The following FGF12 variants were observed in gnomAD, a reference collection of about 807,000 sequenced individuals.
FGF12 encodes the protein fibroblast growth factor 12B.
FGF12 carries 14 observed loss-of-function variants against 23.6 expected under a neutral mutation model. That is an observed-to-expected ratio of 0.59 (90% CI 0.39 to 0.93). The LOEUF is 0.93. FGF12 is among the 40% of genes least tolerant of loss of function. FGF12 has a pLI of 0.00. For missense variants in FGF12, 175 were observed against 217.8 expected, an observed-to-expected ratio of 0.80 and a Z score of 1.24; for synonymous variants, 62 against 77.3, an observed-to-expected ratio of 0.80 and a Z score of 1.04.
At chr3:192,247,571 G>A (rs1711706359) in intron 4 of FGF12, among the ~76,000 whole-genome samples, 1 of 152,144 alleles carries the variant, frequency 6.6e-6, no homozygotes, top group African/African-American at 2.4e-5. Flanking sequence ...ATATTTTGCT[G>A]ACAGTTTTCT....
intron 2 of FGF12, among the ~76,000 whole-genome samples, chr3:192,696,376 G>A (rs1013713117): frequency 1.3e-5 from 2 of 152,126 alleles, no homozygotes; most frequent in Non-Finnish European, 2.9e-5. Context: ...GTGGGCAATG[G>A]CTGCAGAGCT....
chr3:192,237,867 G>A (rs1216319790), intron 4 of FGF12, among the ~76,000 whole-genome samples: 1 of 152,184 alleles, frequency 6.6e-6, no homozygotes, highest in Non-Finnish European at 1.5e-5. Flanking sequence ...TTGCTGGGGA[G>A]CAAGTTGTAG....
chr3:192,522,246 C>A (rs1283725415), intron 2 of FGF12, among the ~76,000 whole-genome samples: 1 of 150,314 alleles, frequency 6.7e-6, no homozygotes, highest in African/African-American at 2.4e-5. Flanking sequence ...TTGTGATTTT[C>A]CAATTGGGAA....
chr3:192,565,220 A>G (rs1336309179), intron 2 of FGF12, among the ~76,000 whole-genome samples: 1 of 152,268 alleles, frequency 6.6e-6, no homozygotes, highest in African/African-American at 2.4e-5. Context: ...CTTCACCTAT[A>G]TGTTTAAAAA....
At chr3:192,496,257 C>G (rs1423781936) in intron 2 of FGF12, among the ~76,000 whole-genome samples, 1 of 151,812 alleles carries the variant, frequency 6.6e-6, no homozygotes, top group Non-Finnish European at 1.5e-5. Context: ...CAAATGTTCC[C>G]AGATCTAATT....
chr3:192,399,063 A>G (rs1720647924), intron 2 of FGF12, among the ~76,000 whole-genome samples: 1 of 152,112 alleles, frequency 6.6e-6, no homozygotes, highest in Admixed American at 6.5e-5. Context: ...CAAGCATTCC[A>G]TATGATGATG....
At chr3:192,258,529 C>T (rs537979941) in intron 4 of FGF12, among the ~76,000 whole-genome samples, 64 of 152,060 alleles carry the variant, frequency 4.2e-4, no homozygotes, top group Non-Finnish European at 6.9e-4. Context: ...ATAATAAAAA[C>T]GTATTTAAAG....
intron 2 of FGF12, among the ~76,000 whole-genome samples, chr3:192,470,971 C>T (rs1160895674): frequency 2.0e-5 from 3 of 152,174 alleles, no homozygotes; most frequent in African/African-American, 7.2e-5. Flanking sequence ...GCCTGACCAC[C>T]TATTGAAATT....
chr3:192,333,435 T>G (rs374125508), intron 4 of FGF12, among the ~76,000 whole-genome samples: 1 of 152,252 alleles, frequency 6.6e-6, no homozygotes, highest in African/African-American at 2.4e-5. Flanking sequence ...TAATTTTAAT[T>G]CTTACATTTA....
chr3:192,567,757 CT>C (rs1294390754), intron 2 of FGF12, among the ~76,000 whole-genome samples: 1 of 128,224 alleles, frequency 7.8e-6, no homozygotes, highest in Non-Finnish European at 1.7e-5. Flanking sequence ...TTCTTTCTTT[CT>C]TTCTTTCTTT....
At chr3:192,437,463 TG>T (rs1415833044) in intron 2 of FGF12, among the ~76,000 whole-genome samples, 1 of 152,000 alleles carries the variant, frequency 6.6e-6, no homozygotes, top group Non-Finnish European at 1.5e-5. Context: ...GAGGTCAAGG[TG>T]GGTGGATCAC....
intron 4 of FGF12, among the ~76,000 whole-genome samples, chr3:192,250,457 GA>G (rs1711931724): frequency 6.6e-6 from 1 of 151,890 alleles, no homozygotes; most frequent in South Asian, 2.1e-4. Context: ...TACACCTTGA[GA>G]AAAAATTATG....
At chr3:192,266,764 C>T (rs540818539) in intron 4 of FGF12, among the ~76,000 whole-genome samples, 3 of 151,760 alleles carry the variant, frequency 2.0e-5, no homozygotes, top group South Asian at 4.1e-4. Flanking sequence ...TAACCACGTT[C>T]TTTTCAAAAG....
At chr3:192,228,060 TAA>T (rs1192844689) in intron 4 of FGF12, among the ~76,000 whole-genome samples, 1 of 152,062 alleles carries the variant, frequency 6.6e-6, no homozygotes, top group Non-Finnish European at 1.5e-5. Context: ...ACAGGAGGAA[TAA>T]GTTTTAGTGA....
intron 3 of FGF12, among the ~76,000 whole-genome samples, chr3:192,342,508 T>C (rs1355490139): frequency 6.6e-6 from 1 of 152,152 alleles, no homozygotes; most frequent in African/African-American, 2.4e-5. Context: ...TGGTGGCTCA[T>C]GCCTGTAATC....
chr3:192,616,353 T>C (rs1714754233), intron 2 of FGF12, among the ~76,000 whole-genome samples: 1 of 152,076 alleles, frequency 6.6e-6, no homozygotes, highest in South Asian at 2.1e-4. Flanking sequence ...CAGTGAAGCC[T>C]ATGAATCTAA....
At chr3:192,233,267 C>T (rs908867345) in intron 4 of FGF12, among the ~76,000 whole-genome samples, 1 of 152,088 alleles carries the variant, frequency 6.6e-6, no homozygotes, top group African/African-American at 2.4e-5. Flanking sequence ...GAAATGGTAT[C>T]TCATTGTGGT....
At chr3:192,528,024 C>T (rs1041725658) in intron 2 of FGF12, among the ~76,000 whole-genome samples, 1 of 152,168 alleles carries the variant, frequency 6.6e-6, no homozygotes, top group Non-Finnish European at 1.5e-5. Context: ...GGTGGGGACA[C>T]AGCCAAACCA....
chr3:192,673,358 T>A (rs954011077), intron 2 of FGF12: 1 of 151,078 alleles, frequency 6.6e-6, no homozygotes, highest in Non-Finnish European at 1.5e-5. Flanking sequence ...AAAAACTACA[T>A]CCAGAAACCT....
Sources: gnomAD v4.1 joint callset for allele counts (sites outside exome capture counted in the v4.1 genomes callset) on GRCh38, gnomAD v4.1.1 for gene constraint, MANE v1.5 for transcripts, NCBI Gene and HGNC (gene_info 2026-07-23, HGNC 2026-07-21) for gene names.